Variants in FAM178B observed in about 807,000 individuals in gnomAD.
FAM178B encodes the protein family with sequence similarity 178 member B, also known as protein FAM178B.
A neutral mutation model predicts 91.7 loss-of-function variants in FAM178B; 82 were observed. The observed-to-expected ratio is 0.89, with a 90% confidence interval of 0.75 to 1.07. FAM178B has a LOEUF of 1.07. FAM178B is among the 50% of genes least tolerant of loss of function. FAM178B has a pLI of 0.00. For synonymous variants in FAM178B, 368 were observed against 359.4 expected, an observed-to-expected ratio of 1.02 and a Z score of -0.27; for missense variants, 769 against 846.7, an observed-to-expected ratio of 0.91 and a Z score of 1.14.
At chr2:96,893,705 C>T (rs996914973) in intron 14 of FAM178B, among the ~76,000 whole-genome samples, 2 of 152,130 alleles carry the variant, frequency 1.3e-5, no homozygotes, top group Non-Finnish European at 2.9e-5. Flanking sequence ...GCGCACAGGG[C>T]GTCCCCAGCG....
chr2:96,938,518 C>T (rs965198403), intron 8 of FAM178B, among the ~76,000 whole-genome samples: 1 of 151,954 alleles, frequency 6.6e-6, no homozygotes, highest in Non-Finnish European at 1.5e-5. Context: ...TCTGGTACAC[C>T]CAGCTCCACA....
At chr2:96,957,059 T>A (rs1574300914) in intron 6 of FAM178B, among the ~76,000 whole-genome samples, 1 of 151,984 alleles carries the variant, frequency 6.6e-6, no homozygotes, top group Non-Finnish European at 1.5e-5. Context: ...GAGACGGGGT[T>A]TCTCCATGTT....
chr2:96,965,186 G>C (rs975174896), intron 5 of FAM178B, among the ~76,000 whole-genome samples: 1 of 151,868 alleles, frequency 6.6e-6, no homozygotes, highest in African/African-American at 2.4e-5. Context: ...TTTTAGTAGA[G>C]ACAGGGTTCA....
chr2:96,956,365 C>T (rs1241872746), intron 6 of FAM178B, among the ~76,000 whole-genome samples: 1 of 152,216 alleles, frequency 6.6e-6, no homozygotes, highest in Non-Finnish European at 1.5e-5. Flanking sequence ...GGACCACATG[C>T]ACTCCCAAGG....
chr2:96,951,051 C>T (rs1292624295), intron 7 of FAM178B, among the ~76,000 whole-genome samples: 1 of 152,170 alleles, frequency 6.6e-6, no homozygotes, highest in African/African-American at 2.4e-5. Context: ...GACCGTAAGT[C>T]CACTGGGTAC....
At chr2:96,929,424 G>A in intron 8 of FAM178B, 104 bp from the exon 9 acceptor site, 4 of 794,342 alleles carry the variant, frequency 5.0e-6, no homozygotes, top group Non-Finnish European at 2.1e-6. Flanking sequence ...AAGATAACCA[G>A]TTTTTGCCTT....
intron 10 of FAM178B, 45 bp from the exon 11 acceptor site, chr2:96,921,699 C>T (rs771974665): frequency 1.1e-4 from 169 of 1,532,952 alleles, no homozygotes; most frequent in South Asian, 3.1e-4. Context: ...CATGGGGGAA[C>T]GGGAGAGTAC....
intron 12 of FAM178B, among the ~76,000 whole-genome samples, chr2:96,913,948 G>A (rs1444586523): frequency 6.6e-6 from 1 of 152,214 alleles, no homozygotes; most frequent in African/African-American, 2.4e-5. Flanking sequence ...CCTCAACACA[G>A]GAAGGAAGCC....
chr2:96,980,937 A>G (rs2082352984), intron 1 of FAM178B, among the ~76,000 whole-genome samples: 1 of 152,058 alleles, frequency 6.6e-6, no homozygotes, highest in Admixed American at 6.6e-5. Flanking sequence ...TGCGCTGCAA[A>G]TATTTTATTC....
chr2:96,877,955 G>A lies in FAM178B; in HGVS notation c.1942C>T (p.Leu648Phe), dbSNP rs1369690676. 3 of 1,613,874 alleles carry A rather than the reference G, an allele frequency of 1.9e-6. No individual in the cohort carries two copies. The highest frequency in any genetic ancestry group is 2.2e-5 in the East Asian group (1 of 44,888). ...TAGGTCTGGGTAGCCAGGTCCTTGA[G>A]CATGGTGCGGTGCATGGCCTGGGGG... ...ESPQAMHRTM[L>F]KDLATQTYIR... Residue 648 changes from leucine (L) to phenylalanine (F), a missense_variant, in exon 16 of 17, where the codon CTC becomes TTC. Coordinates refer to ENST00000490605, the MANE Select transcript of FAM178B (RefSeq NM_001122646.3).
chr2:96,985,599 A>T (rs2082413135), intron 1 of FAM178B, among the ~76,000 whole-genome samples: 1 of 152,222 alleles, frequency 6.6e-6, no homozygotes. Context: ...ACGGAATCCC[A>T]AGTGCTTTGG....
At chr2:96,983,173 G>A (rs1220916738) in intron 1 of FAM178B, among the ~76,000 whole-genome samples, 1 of 151,874 alleles carries the variant, frequency 6.6e-6, no homozygotes, top group African/African-American at 2.4e-5. Flanking sequence ...CACCATGCCT[G>A]GCTCTAAATG....
intron 1 of FAM178B, among the ~76,000 whole-genome samples, chr2:96,978,642 T>G (rs75290934): frequency 8.6e-5 from 13 of 151,946 alleles, no homozygotes; most frequent in African/African-American, 2.9e-4. Flanking sequence ...TTTTTTTTTT[T>G]TGAGACGGAG....
intron 9 of FAM178B, among the ~76,000 whole-genome samples, chr2:96,927,898 G>A (rs1246171873): frequency 1.3e-5 from 2 of 152,206 alleles, no homozygotes; most frequent in Non-Finnish European, 2.9e-5. Context: ...CTTTCTGAGT[G>A]TAATTCTCTC....
intron 6 of FAM178B, among the ~76,000 whole-genome samples, chr2:96,954,116 T>C (rs893688313): frequency 6.6e-6 from 1 of 152,194 alleles, no homozygotes; most frequent in African/African-American, 2.4e-5. Flanking sequence ...ATCCTGAGAA[T>C]GTTGGAGGGC....
In FAM178B at chr2:96,946,439, C is replaced by T. The variant is rs530654691; in HGVS notation, c.1078+1379G>A. Among the ~76,000 whole-genome samples the T allele has an allele frequency of 1.3e-3, 199 of 152,314 alleles. 3 individuals are homozygous for T. Among genetic ancestry groups the T allele is most frequent in the Middle Eastern group, 6.8e-3 (2 of 294 alleles). ...AATGGACCGGGCCTCTCACTTTCCC[C>T]ATACCAGTTGAGATCCCGACCCCAG... is the stretch of plus-strand genomic sequence containing the variant. On this transcript the variant is annotated intron_variant, in intron 8 of 16. Coordinates refer to ENST00000490605, the MANE Select transcript of FAM178B (RefSeq NM_001122646.3).
chr2:96,956,197 T>C (rs1362743757), intron 6 of FAM178B, among the ~76,000 whole-genome samples: 1 of 152,174 alleles, frequency 6.6e-6, no homozygotes, highest in Non-Finnish European at 1.5e-5. Context: ...TGCAGGAGCA[T>C]TGGATTTCCT....
intron 12 of FAM178B, among the ~76,000 whole-genome samples, chr2:96,913,459 G>A (rs1463230913): frequency 2.6e-5 from 4 of 152,204 alleles, no homozygotes; most frequent in African/African-American, 9.6e-5. Context: ...CCGGGCAGTG[G>A]TAAGGGGAGA....
chr2:96,902,010 G>T (rs1283928291), intron 13 of FAM178B, among the ~76,000 whole-genome samples: 1 of 152,010 alleles, frequency 6.6e-6, no homozygotes, highest in Non-Finnish European at 1.5e-5. Context: ...CATTGGCCAG[G>T]CTGGTCTCAA....
Sources: allele counts gnomAD v4.1 joint callset (sites outside exome capture counted in the v4.1 genomes callset), GRCh38; gene constraint gnomAD v4.1.1; transcripts MANE v1.5; gene names NCBI Gene and HGNC (gene_info 2026-07-23, HGNC 2026-07-21).